ZNF462: variants seen among roughly 807,000 people sequenced by gnomAD.
The protein encoded by ZNF462 is zinc finger protein 462, also known as zinc finger PBX1-interacting protein.
A neutral mutation model predicts 201.9 loss-of-function variants in ZNF462; 10 were observed. The observed-to-expected ratio is 0.05, with a 90% CI of 0.03 to 0.08. The LOEUF (loss-of-function observed/expected upper bound fraction) is 0.08, where lower values mean the gene tolerates loss of function less well. ZNF462 is among the 10% of genes least tolerant of loss of function. The probability of loss-of-function intolerance (pLI) is 1.00; values close to 1 mark genes in which losing one functional copy is unlikely to be tolerated. For synonymous variants in ZNF462, 1,227 were observed against 1,193.3 expected, an observed-to-expected ratio of 1.03 and a Z score of -0.58; for missense variants, 2,523 against 3,168.3, an observed-to-expected ratio of 0.80 and a Z score of 4.89.
rs947958061 is a variant in ZNF462 at position 106,968,271 on chromosome 9, G to A, written c.6428-3734G>A. On this transcript the variant is annotated intron_variant, in intron 7 of 12. Transcript: ENST00000277225. This position sits in a 1 kb window ranked among gnomAD's most constrained non-coding sequence, Gnocchi z 4.0. Reference sequence around the variant, plus strand: ...ATTGAGATGTAAACCCAATTAGACCGCACACCATAGTTGTGAGAATTAATT... The same window carrying A: ...ATTGAGATGTAAACCCAATTAGACCACACACCATAGTTGTGAGAATTAATT... Among the ~76,000 whole-genome samples the A allele has an allele frequency of 6.6e-5, 10 of 152,142 alleles. No homozygotes were observed. Among genetic ancestry groups the A allele is most frequent in the Non-Finnish European group, 7.4e-5 (5 of 68,022 alleles).
Position 107,012,734 on chromosome 9 carries a change from T to TTTTTG in ZNF462, c.*1704_*1705insTTTTG, listed in dbSNP as rs1829994306. On this transcript the variant is annotated 3_prime_UTR_variant, in exon 13 of 13. Transcript: ENST00000277225. Reference sequence around the variant, plus strand: ...ATGTTTTTTTTTTTTTTTTTTTACTTGGAAGGGTTGTGGGAGGGTGGGAGG... The same window carrying TTTTTG: ...ATGTTTTTTTTTTTTTTTTTTTACTTTTTTGGGAAGGGTTGTGGGAGGGTGGGAGG... The TTTTTG allele has an allele frequency of 1.3e-5, 1 of 75,306 alleles. No homozygotes were observed. The highest frequency in any genetic ancestry group is 1.6e-4 in the Admixed American group (1 of 6,236). 4.7% of individuals were successfully genotyped at this position (75,306 alleles called of 1,614,324 possible). A position where few individuals can be genotyped will look rare whatever the true frequency, so the allele number is the denominator to read the frequency against.
At chr9:106,943,687 A>G (rs1830984849) in intron 7 of ZNF462, among the ~76,000 whole-genome samples, 1 of 152,030 alleles carries the variant, frequency 6.6e-6, no homozygotes, top group Admixed American at 6.6e-5. Flanking sequence ...CAGATATGCT[A>G]TTTTTTTCTG....
intron 10 of ZNF462, among the ~76,000 whole-genome samples, chr9:106,989,420 T>C (rs760727933): frequency 1.3e-5 from 2 of 152,162 alleles, no homozygotes; most frequent in Non-Finnish European, 2.9e-5. Flanking sequence ...CTTTTTGATA[T>C]GTTGTTGAGT....
rs1451243840 is a variant in ZNF462 at position 106,981,501 on chromosome 9, A to G, written c.6833-2685A>G. 6.6e-6 allele frequency among the ~76,000 whole-genome samples: 1 copy of G among 152,198 alleles called. No homozygotes were observed. The highest frequency in any genetic ancestry group is 1.5e-5 in the Non-Finnish European group (1 of 68,044). On this transcript the variant is annotated intron_variant, in intron 9 of 12. Coordinates refer to ENST00000277225, the MANE Select transcript of ZNF462 (RefSeq NM_021224.6). The surrounding 1 kb of genome is among the most constrained non-coding windows in gnomAD (Gnocchi z 4.0). ...CGGTTTCCACATCAACAAACTGAAGAAAATAGAACTGACTTTGCAGGGTGT... is the reference window on the plus strand; with the variant it reads ...CGGTTTCCACATCAACAAACTGAAGGAAATAGAACTGACTTTGCAGGGTGT...
Position 106,972,018 on chromosome 9 carries a change from A to C in ZNF462, c.6441A>C (p.Ser2147=). 2 of 1,613,898 alleles carry C rather than the reference A, an allele frequency of 1.2e-6. No homozygotes were observed. Among genetic ancestry groups the C allele is most frequent in the Non-Finnish European group, 1.7e-6 (2 of 1,179,912 alleles). ...EVEDSNDSSY[S]EPPDVQQQLN... ...GTCTCTTCACAGACTCATCATATTC[A>C]GAGCCCCCAGATGTTCAGCAGCAGT... The change falls in exon 8 of 13, where the codon TCA becomes TCC. Residue 2147 remains serine, a synonymous_variant. Coordinates refer to ENST00000277225, the MANE Select transcript of ZNF462 (RefSeq NM_021224.6). This position sits in a 1 kb window ranked among gnomAD's most constrained non-coding sequence, Gnocchi z 4.8.
chr9:106,863,978 T>C (rs1263025539), intron 1 of ZNF462, among the ~76,000 whole-genome samples: 1 of 151,380 alleles, frequency 6.6e-6, no homozygotes, highest in Non-Finnish European at 1.5e-5. Context: ...TCTGTCTGCC[T>C]GTCCCCCGCC....
intron 5 of ZNF462, among the ~76,000 whole-genome samples, chr9:106,934,162 A>C (rs1249768300): frequency 1.3e-5 from 2 of 152,162 alleles, no homozygotes; most frequent in Non-Finnish European, 2.9e-5. Flanking sequence ...GTATGGCCCC[A>C]TTATTATCAT....
intron 4 of ZNF462, among the ~76,000 whole-genome samples, chr9:106,931,611 G>A (rs1265047354): frequency 6.6e-6 from 1 of 152,226 alleles, no homozygotes; most frequent in African/African-American, 2.4e-5. Context: ...CCACTGCGGT[G>A]TGTCCCAGGC....
At chr9:106,892,022 TCAA>T (rs1186994325) in intron 1 of ZNF462, among the ~76,000 whole-genome samples, 14 of 152,222 alleles carry the variant, frequency 9.2e-5, no homozygotes, top group African/African-American at 3.1e-4. Context: ...ACCTATGCAA[TCAA>T]CAATCTTTCT....
intron 10 of ZNF462, among the ~76,000 whole-genome samples, chr9:106,997,145 T>C (rs1828796314): frequency 6.6e-6 from 1 of 152,050 alleles, no homozygotes; most frequent in Non-Finnish European, 1.5e-5. Flanking sequence ...AATTGATAAA[T>C]GAAATTGTAC....
Position 106,923,317 on chromosome 9 carries a change from C to T in ZNF462, c.-30-37C>T. ...ATCAGCTCGAGGTATGTGATTAGTG[C>T]ATTCCTTAAGATGTTTTGTTCTGAC... On this transcript the variant is annotated intron_variant, in intron 1 of 12. Coordinates refer to ENST00000277225, the MANE Select transcript of ZNF462 (RefSeq NM_021224.6). This position sits in a 1 kb window ranked among gnomAD's most constrained non-coding sequence, Gnocchi z 5.6. The T allele has an allele frequency of 2.0e-6, 3 of 1,492,288 alleles. No individual in the cohort carries two copies. Among genetic ancestry groups the T allele is most frequent in the Non-Finnish European group, 2.8e-6 (3 of 1,071,310 alleles). The allele number at this position is 1,492,288 out of a possible 1,614,324, so 92.4% of individuals were successfully genotyped here.
intron 10 of ZNF462, among the ~76,000 whole-genome samples, chr9:106,989,529 G>C (rs189133711): frequency 1.0e-3 from 153 of 152,104 alleles, no homozygotes; most frequent in Non-Finnish European, 4.6e-4. Flanking sequence ...GCTGGTTTTG[G>C]TATTAGGGTG....
At chr9:106,879,326 C>G (rs1010488941) in intron 1 of ZNF462, among the ~76,000 whole-genome samples, 1 of 91,890 alleles carries the variant, frequency 1.1e-5, no homozygotes, top group Non-Finnish European at 2.1e-5. Context: ...TAGAGAGATG[C>G]TTTCCACCCC....
In ZNF462 at chr9:106,929,309, C is replaced by T. The variant is rs761807857; in HGVS notation, c.5397C>T (p.His1799=). The change falls in exon 3 of 13, where the codon CAC becomes CAT. Residue 1799 remains histidine (H), a synonymous_variant. Transcript: ENST00000277225. The surrounding 1 kb of genome is among the most constrained non-coding windows in gnomAD (Gnocchi z 8.7). ...RHPGVFPKKQ[H]ASKLGGYFTA... ...CAGGGGTGTTCCCAAAGAAGCAGCA[C>T]GCCAGCAAGTTGGGGGGCTACTTCA... 2.5e-5 allele frequency: 40 copies of T among 1,614,104 alleles called. No individual in the cohort carries two copies. The East Asian group carries it at 3.8e-4, about 15-fold the overall frequency.
Position 106,885,294 on chromosome 9 carries a change from C to CT in ZNF462, c.-31+21942dup. 6.6e-6 allele frequency among the ~76,000 whole-genome samples: 1 copy of CT among 152,290 alleles called. No individual in the cohort carries two copies. The highest frequency in any genetic ancestry group is 1.5e-5 in the Non-Finnish European group (1 of 68,030). On this transcript the variant is annotated intron_variant, in intron 1 of 12. Coordinates refer to ENST00000277225, the MANE Select transcript of ZNF462 (RefSeq NM_021224.6). This position sits in a 1 kb window ranked among gnomAD's most constrained non-coding sequence, Gnocchi z 4.1. Reference sequence around the variant, plus strand: ...AATTTAATCTTCACTTTCCTTCTAACTTTAAGAGCCTCATGGGAATGAAAA... The same window carrying CT: ...AATTTAATCTTCACTTTCCTTCTAACTTTTAAGAGCCTCATGGGAATGAAAA...
rs1827140180 is a variant in ZNF462, at chr9:106,977,917, A to G, written c.6832+3644A>G. ...AGAACTCTGAAATCAAGGTGTTGAC[A>G]GAGCTGTGTTTCCTCTGAAGGCACA... On this transcript the variant is annotated intron_variant, in intron 9 of 12. Coordinates refer to ENST00000277225, the MANE Select transcript of ZNF462 (RefSeq NM_021224.6). The surrounding 1 kb of genome is among the most constrained non-coding windows in gnomAD (Gnocchi z 4.6). 6.6e-6 allele frequency among the ~76,000 whole-genome samples: 1 copy of G among 151,674 alleles called. No individual in the cohort carries two copies. Among genetic ancestry groups the G allele is most frequent in the African/African-American group, 2.4e-5 (1 of 40,922 alleles).
Position 106,974,085 on chromosome 9 carries a change from T to C in ZNF462, c.6696-52T>C. 3 of 1,608,190 alleles carry C rather than the reference T, an allele frequency of 1.9e-6. No homozygotes were observed. Among genetic ancestry groups the C allele is most frequent in the Non-Finnish European group, 2.6e-6 (3 of 1,176,004 alleles). On this transcript the variant is annotated intron_variant, in intron 8 of 12. Coordinates refer to ENST00000277225, the MANE Select transcript of ZNF462 (RefSeq NM_021224.6). The surrounding 1 kb of genome is among the most constrained non-coding windows in gnomAD (Gnocchi z 4.0). The stretch of plus-strand genomic sequence containing the variant: ...GGTTTGCCAGCAGGAAATGTGAAAA[T>C]GCAATGATCCCTGGTTACACGCATC...
rs1190951476 is a variant in ZNF462, at chr9:106,927,156, T to C, written c.3244T>C (p.Ser1082Pro). 5 of 1,613,958 alleles carry C rather than the reference T, an allele frequency of 3.1e-6. No homozygotes were observed. The highest frequency in any genetic ancestry group is 1.7e-5 in the Admixed American group (1 of 60,002). The change falls in exon 3 of 13, where the codon TCA becomes CCA. Residue 1082 changes from serine to proline, a missense_variant. This residue lies in a region of ZNF462 where 280 missense variants were observed against 321.3 expected (regional missense o/e 0.87). Transcript: ENST00000277225. Reference sequence around the variant, plus strand: ...CAGGGGCTCTGCCCTTTCTCAATTATCATTTGAGGTGGGTGCTCCAATGTC... The same window carrying C: ...CAGGGGCTCTGCCCTTTCTCAATTACCATTTGAGGTGGGTGCTCCAATGTC... ...VDRGSALSQL[S>P]FEVGAPMSPK...
chr9:106,997,473 C>G (rs1213222420), intron 10 of ZNF462, among the ~76,000 whole-genome samples: 1 of 152,120 alleles, frequency 6.6e-6, no homozygotes, highest in Non-Finnish European at 1.5e-5. Context: ...GGTACATAAA[C>G]ACACAATGGA....
Sources: allele counts gnomAD v4.1 joint callset (sites outside exome capture counted in the v4.1 genomes callset), GRCh38; gene constraint gnomAD v4.1.1; regional missense constraint gnomAD v4.1.1; non-coding constraint Gnocchi (gnomAD v3.1); transcripts MANE v1.5; gene names NCBI Gene and HGNC (gene_info 2026-07-23, HGNC 2026-07-21).